The following MEP1B variants were observed in gnomAD, a reference collection of about 807,000 sequenced individuals.
MEP1B encodes N-benzoyl-L-tyrosyl-P-amino-benzoic acid hydrolase subunit beta.
In MEP1B, 80 loss-of-function variants were observed where a neutral mutation model predicts 84.6. The ratio of observed to expected loss-of-function variants is 0.95; its 90% confidence interval spans 0.79 to 1.14. The LOEUF is 1.14. Among genes scored for constraint, MEP1B ranks in the 50% most tolerant of loss-of-function variants. The pLI is 0.00. For synonymous variants in MEP1B, 273 were observed against 288.1 expected, an observed-to-expected ratio of 0.95 and a Z score of 0.53; for missense variants, 766 against 855.1, an observed-to-expected ratio of 0.90 and a Z score of 1.30.
intron 14 of MEP1B, 133 bp downstream of exon 14, chr18:32,218,098 G>T (rs935952218): frequency 8.0e-6 from 6 of 753,594 alleles, no homozygotes; most frequent in Non-Finnish European, 1.3e-5. Context: ...ACTGATTTCA[G>T]ATTATAAAAG....
chr18:32,195,541 T>C, intron 5 of MEP1B, 56 bp downstream of exon 5: 1 of 1,199,778 alleles, frequency 8.3e-7, no homozygotes, highest in Non-Finnish European at 1.2e-6. Flanking sequence ...CAAAATATGA[T>C]TATAGTGTTT....
At position 32,220,286 on chromosome 18, in the gene MEP1B, G is replaced by T. The variant is rs754045080; in HGVS notation, c.*41G>T. The stretch of plus-strand genomic sequence containing the variant: ...TATGGCCAGCTAATGAAATTAAAAA[G>T]GATTCTTCATCATGGATTTCGCCTA... On this transcript the variant is annotated 3_prime_UTR_variant, in exon 15 of 15. Transcript: ENST00000269202. 2 of 1,592,286 alleles carry T rather than the reference G, an allele frequency of 1.3e-6. No homozygotes were observed. Among genetic ancestry groups the T allele is most frequent in the East Asian group, 4.5e-5 (2 of 44,556 alleles).
At chr18:32,193,750 C>T (rs2040825436) in intron 4 of MEP1B, among the ~76,000 whole-genome samples, 1 of 152,142 alleles carries the variant, frequency 6.6e-6, no homozygotes, top group Non-Finnish European at 1.5e-5. Flanking sequence ...GCACCAACAT[C>T]CCTCACAGTC....
chr18:32,211,026 G>A (rs2041021184), intron 10 of MEP1B, among the ~76,000 whole-genome samples: 1 of 152,180 alleles, frequency 6.6e-6, no homozygotes. Context: ...CACTTTGGGA[G>A]GCCGAGGCGG....
rs934511103 is a variant in MEP1B, at chr18:32,196,886, G to T, written c.250+1401G>T. 2.2e-6 allele frequency: 1 copy of T among 463,882 alleles called. No homozygotes were observed. The highest frequency in any genetic ancestry group is 4.1e-6 in the Non-Finnish European group (1 of 246,464). 28.7% of individuals were successfully genotyped at this position (463,882 alleles called of 1,614,324 possible). ...TGATGTAGTGGAGGCGGGCAAGGAG[G>T]CGCAGGCAGGCTCAGATCTCCACGT... On this transcript the variant is annotated intron_variant, in intron 5 of 14. Coordinates refer to ENST00000269202, the MANE Select transcript of MEP1B (RefSeq NM_005925.3). This position sits in a 1 kb window ranked among gnomAD's most constrained non-coding sequence, Gnocchi z 4.4.
chr18:32,210,592 A>G lies in MEP1B; in HGVS notation c.1011A>G (p.Gly337=). The G allele has an allele frequency of 6.2e-7, 1 of 1,614,016 alleles. No homozygotes were observed. The highest frequency in any genetic ancestry group is 1.6e-4 in the Middle Eastern group (1 of 6,062). ...GTAGAACGCTGTACCCTAAAAGAGGATTTCAGTGCCTGCAATTTTACTTAT... is the reference window on the plus strand; with the variant it reads ...GTAGAACGCTGTACCCTAAAAGAGGGTTTCAGTGCCTGCAATTTTACTTAT... ...LESRTLYPKR[G]FQCLQFYLYN... The change falls in exon 10 of 15, where the codon GGA becomes GGG. Residue 337 remains glycine (G), a synonymous_variant. Transcript: ENST00000269202.
chr18:32,200,900 T>G (rs550243936), intron 5 of MEP1B, among the ~76,000 whole-genome samples: 2 of 152,300 alleles, frequency 1.3e-5, no homozygotes, highest in South Asian at 4.1e-4. Context: ...GAAACAATCC[T>G]GAACAGCTGC....
At chr18:32,201,301 C>A (rs1029664466) in intron 5 of MEP1B, among the ~76,000 whole-genome samples, 1 of 132,240 alleles carries the variant, frequency 7.6e-6, no homozygotes, top group Admixed American at 7.5e-5. Flanking sequence ...TATGTAGATA[C>A]ACACACACAC....
chr18:32,215,803 C>G (rs1038861723), intron 12 of MEP1B, among the ~76,000 whole-genome samples: 37 of 151,908 alleles, frequency 2.4e-4, no homozygotes, highest in African/African-American at 8.7e-4. Flanking sequence ...CAGCCTGGGC[C>G]AAAGAGCGAG....
In MEP1B at chr18:32,217,934, G is replaced by C. The variant is rs776190830; in HGVS notation, c.2060G>C (p.Ser687Thr). 1 of 1,613,814 alleles carries C rather than the reference G, an allele frequency of 6.2e-7. No homozygotes were observed. The highest frequency in any genetic ancestry group is 1.3e-5 in the African/African-American group (1 of 74,922). The change falls in exon 14 of 15, where the codon AGC becomes ACC. Residue 687 changes from serine to threonine, a missense_variant. Ser to Thr is a moderately conservative substitution (Grantham distance 58). Coordinates refer to ENST00000269202, the MANE Select transcript of MEP1B (RefSeq NM_005925.3). ...AGGAAGAAATATCGTGAAAGGATGA[G>C]CTCAAATCGACCAAATTTGACTCCG... Reference protein sequence around the residue: ...CTRKKYRERMSSNRPNLTPQN... With the variant: ...CTRKKYRERMTSNRPNLTPQN...
intron 7 of MEP1B, among the ~76,000 whole-genome samples, chr18:32,204,939 C>T (rs376066687): frequency 1.2e-4 from 18 of 152,174 alleles, no homozygotes; most frequent in South Asian, 2.1e-4. Context: ...ATTTATGAGA[C>T]GGAGCCCATG....
chr18:32,192,039 GT>G (rs981688898), intron 2 of MEP1B, among the ~76,000 whole-genome samples, 199 bp downstream of exon 2: 1 of 152,118 alleles, frequency 6.6e-6, no homozygotes, highest in African/African-American at 2.4e-5. Context: ...GAAATAGATG[GT>G]ATAGGAAAGG....
At chr18:32,200,712 G>A (rs2040903209) in intron 5 of MEP1B, among the ~76,000 whole-genome samples, 1 of 152,190 alleles carries the variant, frequency 6.6e-6, no homozygotes. Context: ...CTGGCTGGTA[G>A]ATGCAACTTC....
chr18:32,218,909 A>T (rs901537500), intron 14 of MEP1B, among the ~76,000 whole-genome samples: 1 of 152,260 alleles, frequency 6.6e-6, no homozygotes, highest in Non-Finnish European at 1.5e-5. Flanking sequence ...CATCCACTAC[A>T]TACTCCAGCA....
intron 1 of MEP1B, among the ~76,000 whole-genome samples, chr18:32,190,612 A>G (rs1271937028): frequency 1.3e-5 from 2 of 152,178 alleles, no homozygotes; most frequent in African/African-American, 4.8e-5. Context: ...AAACCAACCC[A>G]AGGTTTTAAA....
At chr18:32,195,536 TATG>T in intron 5 of MEP1B, 51 bp downstream of exon 5, 3 of 1,240,330 alleles carry the variant, frequency 2.4e-6, no homozygotes, top group Admixed American at 3.9e-5. Flanking sequence ...TCTGACAAAA[TATG>T]ATTATAGTGT....
Position 32,204,093 on chromosome 18 carries a change from T to C in MEP1B, c.369-89T>C, listed in dbSNP as rs1322666853. 3.8e-6 allele frequency: 4 copies of C among 1,066,014 alleles called. No homozygotes were observed. The African/African-American group carries it at 4.7e-5, about 13-fold the overall frequency. 66.0% of individuals were successfully genotyped at this position (1,066,014 alleles called of 1,614,324 possible). A position where few individuals can be genotyped will look rare whatever the true frequency, so the allele number is the denominator to read the frequency against. On this transcript the variant is annotated intron_variant, in intron 6 of 14. Transcript: ENST00000269202. ...GAGCAAAGGTGGGTAATGAAGTGGG[T>C]AATGAAGTGGACTAGGCAGTGGCGA...
intron 12 of MEP1B, among the ~76,000 whole-genome samples, chr18:32,216,111 G>T (rs2041087678): frequency 6.6e-6 from 1 of 151,324 alleles, no homozygotes; most frequent in Non-Finnish European, 1.5e-5. Context: ...AATTCTGGTG[G>T]TTTCTATTTT....
Position 32,208,246 on chromosome 18 carries a change from T to TCA in MEP1B, c.896_897dup (p.Ser300ThrfsTer21). On this transcript the variant is annotated frameshift_variant, in exon 9 of 15. Transcript: ENST00000269202. LOFTEE classifies it high-confidence loss of function. ...AGGTTCCCAGGGGGCCAGAGAGTGA[T>TCA]CACTCCAACATGGGCCAGTGCCAAG... 6.2e-7 allele frequency: 1 copy of TCA among 1,613,940 alleles called. No individual in the cohort carries two copies. The highest frequency in any genetic ancestry group is 8.5e-7 in the Non-Finnish European group (1 of 1,179,864).
Sources: gnomAD v4.1 joint callset for allele counts (sites outside exome capture counted in the v4.1 genomes callset) on GRCh38, gnomAD v4.1.1 for gene constraint, Gnocchi (gnomAD v3.1) non-coding constraint, MANE v1.5 for transcripts, NCBI Gene and HGNC (gene_info 2026-07-23, HGNC 2026-07-21) for gene names.